SEMA3A: variants seen among roughly 807,000 people sequenced by gnomAD.
SEMA3A encodes semaphorin 3A.
SEMA3A carries 29 observed loss-of-function variants against 97.9 expected under a neutral mutation model. The observed-to-expected ratio is 0.30, with a 90% CI of 0.22 to 0.40. The LOEUF is 0.40. Among genes scored for constraint, SEMA3A ranks in the 10% least tolerant of loss-of-function variants. The pLI is 1.00. For synonymous variants in SEMA3A, 321 were observed against 323.7 expected (o/e 0.99, Z 0.09); for missense variants, 763 against 951.3 (o/e 0.80, Z 2.60).
At chr7:83,967,623 C>T (rs987223506) in intron 15 of SEMA3A, among the ~76,000 whole-genome samples, 1 of 151,910 alleles carries the variant, frequency 6.6e-6, no homozygotes, top group African/African-American at 2.4e-5. Flanking sequence ...GGCATAATGG[C>T]GGGTACCTAC....
At chr7:84,398,820 T>A (rs1045995196) in intron 1 of SEMA3A, among the ~76,000 whole-genome samples, 3 of 151,686 alleles carry the variant, frequency 2.0e-5, no homozygotes, top group Non-Finnish European at 4.4e-5. Flanking sequence ...AAAAATAAAA[T>A]AAAATAACTA....
intron 2 of SEMA3A, among the ~76,000 whole-genome samples, chr7:84,365,299 C>T (rs1161482067): frequency 6.6e-6 from 1 of 151,462 alleles, no homozygotes; most frequent in Non-Finnish European, 1.5e-5. Context: ...AGTTTGGAAC[C>T]AATAAAAGAT....
At chr7:84,136,720 TCA>T (rs762001238) in intron 1 of SEMA3A, among the ~76,000 whole-genome samples, 4 of 152,138 alleles carry the variant, frequency 2.6e-5, no homozygotes, top group Non-Finnish European at 4.4e-5. Context: ...CATGCCTAAC[TCA>T]CATTTTTTTT....
intron 2 of SEMA3A, among the ~76,000 whole-genome samples, chr7:84,309,626 T>A (rs1014947491): frequency 6.6e-6 from 1 of 152,186 alleles, no homozygotes; most frequent in Non-Finnish European, 1.5e-5. Context: ...GTAGAACATA[T>A]ACCACGTGTG....
chr7:84,039,071 TTTA>T (rs1792041018), intron 6 of SEMA3A, among the ~76,000 whole-genome samples: 1 of 152,140 alleles, frequency 6.6e-6, no homozygotes, highest in Non-Finnish European at 1.5e-5. Flanking sequence ...GTTGTATCAA[TTTA>T]CTAAATATGT....
Position 84,250,221 on chromosome 7 carries a change from A to T in SEMA3A, c.-82-55553T>A, listed in dbSNP as rs113145615. Among the ~76,000 whole-genome samples the T allele has an allele frequency of 3.7e-4, 57 of 152,068 alleles. 1 individual carries two copies. Among genetic ancestry groups the T allele is most frequent in the African/African-American group, 1.3e-3 (56 of 41,486 alleles). ...TTATGTATCACTTTATTACTTAGAG[A>T]TATATAAAAATTTACATTTTGGTTA... On this transcript the variant is annotated intron_variant, in intron 3 of 3. Coordinates refer to the SEMA3A transcript ENST00000424555.
chr7:84,118,388 T>C lies in SEMA3A; in HGVS notation c.334-7799A>G, dbSNP rs138885700. Among the ~76,000 whole-genome samples, 508 of 152,292 alleles carry C rather than the reference T, an allele frequency of 3.3e-3. 7 individuals are homozygous for C. Among genetic ancestry groups the C allele is most frequent in the African/African-American group, 0.011 (465 of 41,576 alleles). On this transcript the variant is annotated intron_variant, in intron 3 of 16. Transcript: ENST00000265362. ...CCAAATGAAATAAGCTGGAAAAATA[T>C]TTCCTCAAATTCCCTTTTCTATAGG...
intron 3 of SEMA3A, among the ~76,000 whole-genome samples, chr7:84,268,249 ATGTGTGTGTGTG>A (rs66460940): frequency 3.1e-4 from 40 of 131,038 alleles, no homozygotes; most frequent in Admixed American, 9.3e-4. Flanking sequence ...AGACATAAGC[ATGTGTGTGTGTG>A]TGTGTGTGTG....
intron 3 of SEMA3A, among the ~76,000 whole-genome samples, chr7:84,232,503 A>C (rs1392355750): frequency 1.3e-5 from 2 of 151,352 alleles, no homozygotes; most frequent in African/African-American, 4.8e-5. Context: ...TAAACAACAA[A>C]ACTAACAAGC....
intron 3 of SEMA3A, among the ~76,000 whole-genome samples, chr7:84,252,036 T>C (rs1584170052): frequency 6.6e-6 from 1 of 152,136 alleles, no homozygotes; most frequent in African/African-American, 2.4e-5. Flanking sequence ...TCCAAAAAAG[T>C]AATTCTACCT....
intron 2 of SEMA3A, among the ~76,000 whole-genome samples, chr7:84,316,130 CAAAAAAAAA>C (rs202005657): frequency 2.3e-4 from 7 of 30,218 alleles, no homozygotes; most frequent in African/African-American, 4.2e-4. Flanking sequence ...GACTCTATCT[CAAAAAAAAA>C]AAAAAAAAAA....
chr7:84,011,691 T>C (rs1040908793), intron 7 of SEMA3A, among the ~76,000 whole-genome samples: 52 of 152,290 alleles, frequency 3.4e-4, no homozygotes, highest in Non-Finnish European at 3.8e-4. Context: ...CTTTGAGATA[T>C]GTTGCACAAT....
At chr7:84,456,733 CTTTA>C (rs1242063858) in intron 1 of SEMA3A, among the ~76,000 whole-genome samples, 1 of 151,672 alleles carries the variant, frequency 6.6e-6, no homozygotes, top group African/African-American at 2.4e-5. Context: ...TTATATTTGG[CTTTA>C]TTTACGTTTA....
intron 1 of SEMA3A, among the ~76,000 whole-genome samples, chr7:84,471,207 G>A (rs1400183277): frequency 1.3e-5 from 2 of 151,978 alleles, no homozygotes; most frequent in East Asian, 3.9e-4. Flanking sequence ...TAATCCTTAT[G>A]AGTGGCCTTG....
chr7:84,360,790 TTTTA>T (rs914220799), intron 2 of SEMA3A, among the ~76,000 whole-genome samples: 9 of 152,078 alleles, frequency 5.9e-5, no homozygotes, highest in Admixed American at 3.9e-4. Context: ...AACCTACATT[TTTTA>T]TTTATTTTTT....
At chr7:84,371,237 C>A (rs888243038) in intron 2 of SEMA3A, among the ~76,000 whole-genome samples, 1 of 151,634 alleles carries the variant, frequency 6.6e-6, no homozygotes, top group African/African-American at 2.4e-5. Context: ...TGTACCAGCA[C>A]GTTGATGTTT....
At chr7:84,433,042 T>A (rs1006254677) in intron 1 of SEMA3A, among the ~76,000 whole-genome samples, 1 of 151,926 alleles carries the variant, frequency 6.6e-6, no homozygotes, top group African/African-American at 2.4e-5. Context: ...TTCCTCTCCA[T>A]AGCCTCTCTA....
At chr7:84,130,144 G>A (rs1795921627) in intron 2 of SEMA3A, among the ~76,000 whole-genome samples, 1 of 151,738 alleles carries the variant, frequency 6.6e-6, no homozygotes, top group South Asian at 2.1e-4. Context: ...GTTAATTTCA[G>A]TGGGAAAAAA....
chr7:84,321,002 T>C (rs981675666), intron 2 of SEMA3A, among the ~76,000 whole-genome samples: 5 of 152,192 alleles, frequency 3.3e-5, no homozygotes, highest in African/African-American at 9.6e-5. Flanking sequence ...ATTAGTCCAA[T>C]ATGTATTTAG....
Sources: gnomAD v4.1 joint callset for allele counts (sites outside exome capture counted in the v4.1 genomes callset) on GRCh38, gnomAD v4.1.1 for gene constraint, MANE v1.5 for transcripts, NCBI Gene and HGNC (gene_info 2026-07-23, HGNC 2026-07-21) for gene names.